Variants in PCDHGB7 observed in about 807,000 individuals in gnomAD.
The protein encoded by PCDHGB7 is protocadherin gamma subfamily B, 7, also known as protocadherin gamma-B7.
A neutral mutation model predicts 61.4 loss-of-function variants in PCDHGB7; 37 were observed. The ratio of observed to expected loss-of-function variants is 0.60; its 90% CI spans 0.46 to 0.79. PCDHGB7 has a LOEUF of 0.79. Ranked by LOEUF, PCDHGB7 falls within the 30% of genes least tolerant of loss-of-function variation. The pLI is 0.00. For missense variants in PCDHGB7, 1,166 were observed against 1,202.5 expected (o/e 0.97, Z 0.45); for synonymous variants, 464 against 503.5 (o/e 0.92, Z 1.05).
Position 141,485,187 on chromosome 5 carries a change from T to A in PCDHGB7, c.2416-9620T>A, listed in dbSNP as rs1325714839. ...CGGGCGGCAGCAATGCTCCGCAAGG[T>A]GAGAAGCTGGACAGAAATCTGGCGG... On this transcript the variant is annotated intron_variant, in intron 1 of 3. Transcript: ENST00000398594. This position sits in a 1 kb window ranked among gnomAD's most constrained non-coding sequence, Gnocchi z 5.7. 1 of 1,613,502 alleles carries A rather than the reference T, an allele frequency of 6.2e-7. No individual in the cohort carries two copies. The highest frequency in any genetic ancestry group is 1.7e-5 in the Admixed American group (1 of 60,018).
At chr5:141,479,849 C>T (rs1014214860) in intron 1 of PCDHGB7, among the ~76,000 whole-genome samples, 7 of 152,208 alleles carry the variant, frequency 4.6e-5, no homozygotes. Context: ...AAGGTGACTG[C>T]AAGGCCTTTG....
chr5:141,501,544 G>T (rs1297191346), intron 2 of PCDHGB7, among the ~76,000 whole-genome samples: 3 of 151,962 alleles, frequency 2.0e-5, no homozygotes, highest in African/African-American at 7.3e-5. Flanking sequence ...TTGTGCATAA[G>T]ATCATAGGCC....
In PCDHGB7 at chr5:141,486,645, C is replaced by G. The variant is rs369948556; in HGVS notation, c.2416-8162C>G. ...GACTCTGGCTTGAATGCGCTTATCT[C>G]CTACTCACTCCTGGAGCCCAGGAAT... On this transcript the variant is annotated intron_variant, in intron 1 of 3. Coordinates refer to ENST00000398594, the MANE Select transcript of PCDHGB7 (RefSeq NM_018927.4). The surrounding 1 kb of genome is among the most constrained non-coding windows in gnomAD (Gnocchi z 5.0). 4.3e-6 allele frequency: 7 copies of G among 1,613,752 alleles called. No individual in the cohort carries two copies. The Admixed American group carries it at 6.7e-5, about 15-fold the overall frequency.
In PCDHGB7 at chr5:141,423,110, G is replaced by A. The variant is rs62621243; in HGVS notation, c.2415+2836G>A. On this transcript the variant is annotated intron_variant, in intron 1 of 3. Coordinates refer to ENST00000398594, the MANE Select transcript of PCDHGB7 (RefSeq NM_018927.4). ...GTGGGGGAGCACACGGGCGAGGTGC[G>A]TACAGCGCGGGCACTGCTGGACAGA... The A allele has an allele frequency of 0.016, 25,324 of 1,613,842 alleles. 257 individuals carry two copies. Among genetic ancestry groups the A allele is most frequent in the Non-Finnish European group, 0.019 (22,060 of 1,179,980 alleles).
Position 141,419,261 on chromosome 5 carries a change from G to C in PCDHGB7, c.1402G>C (p.Gly468Arg), listed in dbSNP as rs758952830. 16 of 1,613,982 alleles carry C rather than the reference G, an allele frequency of 9.9e-6. No individual in the cohort carries two copies. Among genetic ancestry groups the C allele is most frequent in the Non-Finnish European group, 1.3e-5 (15 of 1,179,886 alleles). ...CCACGTGCCAGAAAACAACCAGCCG[G>C]GTGCCTCCATAGCGCAAGTCAGTGC... ...LVHVPENNQP[G>R]ASIAQVSASD... Residue 468 changes from glycine (G) to arginine (R), a missense_variant, in exon 1 of 4, where the codon GGT becomes CGT. By Grantham distance (125) the Gly-to-Arg change is moderately radical (BLOSUM62 -2). Coordinates refer to ENST00000398594, the MANE Select transcript of PCDHGB7 (RefSeq NM_018927.4).
chr5:141,418,237 T>G lies in PCDHGB7; in HGVS notation c.378T>G (p.Val126=), dbSNP rs1470328670. The change falls in exon 1 of 4, where the codon GTT becomes GTG. Residue 126 remains valine (V), a synonymous_variant. Transcript: ENST00000398594. ...ATGTCATTGTGGTGATTGAGGATGT[T>G]AATGACCACGCCCCTCAATTCCGGA... The part of the protein sequence containing the change: ...IFHVIVVIED[V]NDHAPQFRKD... 6.2e-7 allele frequency: 1 copy of G among 1,614,044 alleles called. No individual in the cohort carries two copies.
Position 141,485,447 on chromosome 5 carries a change from C to G in PCDHGB7, c.2416-9360C>G, listed in dbSNP as rs1233800346. 6.2e-7 allele frequency: 1 copy of G among 1,614,144 alleles called. No individual in the cohort carries two copies. The highest frequency in any genetic ancestry group is 8.5e-7 in the Non-Finnish European group (1 of 1,180,036). On this transcript the variant is annotated intron_variant, in intron 1 of 3. Transcript: ENST00000398594. This position sits in a 1 kb window ranked among gnomAD's most constrained non-coding sequence, Gnocchi z 5.7. ...CCTGCTCATCAAGAACCCAATCGAC[C>G]GAGAGGCACTGTGTGGGCTCAGTGC... is the stretch of plus-strand genomic sequence containing the variant.
rs114669158 is a variant in PCDHGB7 at position 141,511,003 on chromosome 5, G to A, written c.2620G>A (p.Ala874Thr). The change falls in exon 4 of 4, where the codon GCC (alanine) becomes ACC (threonine). Residue 874 changes from alanine to threonine, a missense_variant. Physicochemically the swap from Ala to Thr is moderately conservative, Grantham distance 58 (BLOSUM62 0). Coordinates refer to ENST00000398594, the MANE Select transcript of PCDHGB7 (RefSeq NM_018927.4). Reference protein sequence around the residue: ...GGGAGTMGLSARYGPQFTLQH... With the variant: ...GGGAGTMGLSTRYGPQFTLQH... ...GGGTGCCGGCACCATGGGATTGAGCGCCCGCTACGGACCCCAGTTCACCCT... is the reference window on the plus strand; with the variant it reads ...GGGTGCCGGCACCATGGGATTGAGCACCCGCTACGGACCCCAGTTCACCCT... The A allele has an allele frequency of 1.0e-4, 163 of 1,614,148 alleles. 1 individual carries two copies. The highest frequency in any genetic ancestry group is 9.5e-5 in the Non-Finnish European group (112 of 1,180,012).
chr5:141,489,427 C>G lies in PCDHGB7; in HGVS notation c.2416-5380C>G, dbSNP rs370540900. ...AAAGATGACAGATCTGTTGAGCCGG[C>G]GGCTGCAATTGGGCTCTGAGGAGAA... On this transcript the variant is annotated intron_variant, in intron 1 of 3. Transcript: ENST00000398594. The surrounding 1 kb of genome is among the most constrained non-coding windows in gnomAD (Gnocchi z 4.5). 6.2e-7 allele frequency: 1 copy of G among 1,614,108 alleles called. No homozygotes were observed. Among genetic ancestry groups the G allele is most frequent in the South Asian group, 1.1e-5 (1 of 91,086 alleles).
At chr5:141,457,750 C>G (rs900052683) in intron 1 of PCDHGB7, among the ~76,000 whole-genome samples, 4 of 152,188 alleles carry the variant, frequency 2.6e-5, no homozygotes, top group African/African-American at 9.6e-5. Flanking sequence ...AAGCTGAGCC[C>G]AGACATGGGT....
At chr5:141,436,181 T>C (rs1050736907) in intron 1 of PCDHGB7, among the ~76,000 whole-genome samples, 2 of 152,092 alleles carry the variant, frequency 1.3e-5, no homozygotes, top group African/African-American at 4.8e-5. Flanking sequence ...TCATATATAG[T>C]CAAATAGAAA....
chr5:141,476,978 C>A lies in PCDHGB7; in HGVS notation c.2416-17829C>A, dbSNP rs1468851988. The A allele has an allele frequency of 2.5e-6, 4 of 1,614,138 alleles. No individual in the cohort carries two copies. Among genetic ancestry groups the A allele is most frequent in the Admixed American group, 3.3e-5 (2 of 60,012 alleles). On this transcript the variant is annotated intron_variant, in intron 1 of 3. Transcript: ENST00000398594. This position sits in a 1 kb window ranked among gnomAD's most constrained non-coding sequence, Gnocchi z 7.6. ...TATTTACTCCTTCGGCAGCCACAAC[C>A]GCGCCGGCGTGCGGCAACTATTCGC...
rs962136728 is a variant in PCDHGB7 at position 141,491,524 on chromosome 5, G to A, written c.2416-3283G>A. 1 of 1,613,960 alleles carries A rather than the reference G, an allele frequency of 6.2e-7. No homozygotes were observed. The highest frequency in any genetic ancestry group is 1.3e-5 in the African/African-American group (1 of 74,936). On this transcript the variant is annotated intron_variant, in intron 1 of 3. Coordinates refer to ENST00000398594, the MANE Select transcript of PCDHGB7 (RefSeq NM_018927.4). The surrounding 1 kb of genome is among the most constrained non-coding windows in gnomAD (Gnocchi z 6.9). ...GGACGGCACGCTCAAGTACATGGAG[G>A]TGACGCTGCGGCCCACAGACTCGCA...
chr5:141,485,259 G>C lies in PCDHGB7; in HGVS notation c.2416-9548G>C. ...TTTTACCACCTGGGTTACGTTTGTGGGCAGATCCGCTACCCGGTCCCAGAG... is the reference window on the plus strand; with the variant it reads ...TTTTACCACCTGGGTTACGTTTGTGCGCAGATCCGCTACCCGGTCCCAGAG... On this transcript the variant is annotated intron_variant, in intron 1 of 3. Coordinates refer to ENST00000398594, the MANE Select transcript of PCDHGB7 (RefSeq NM_018927.4). The surrounding 1 kb of genome is among the most constrained non-coding windows in gnomAD (Gnocchi z 5.7). 1.2e-6 allele frequency: 2 copies of C among 1,614,136 alleles called. No homozygotes were observed. The highest frequency in any genetic ancestry group is 1.7e-6 in the Non-Finnish European group (2 of 1,180,002).
intron 1 of PCDHGB7, among the ~76,000 whole-genome samples, chr5:141,457,459 CA>C (rs1402759850): frequency 6.6e-6 from 1 of 152,166 alleles, no homozygotes; most frequent in Non-Finnish European, 1.5e-5. Context: ...CCACTTGATT[CA>C]CAGGAATAAG....
At chr5:141,506,130 GAGA>G (rs560751517) in intron 3 of PCDHGB7, among the ~76,000 whole-genome samples, 2 of 152,170 alleles carry the variant, frequency 1.3e-5, no homozygotes, top group Admixed American at 1.3e-4. Context: ...CCCAGAGCAG[GAGA>G]AGAAGAATAT....
chr5:141,430,953 G>A (rs2097330054), intron 1 of PCDHGB7: 1 of 1,611,124 alleles, frequency 6.2e-7, no homozygotes, highest in African/African-American at 1.3e-5. Context: ...CGCGGAGTCC[G>A]CATCATCCCC....
chr5:141,474,405 G>C (rs2099348833), intron 1 of PCDHGB7, among the ~76,000 whole-genome samples: 1 of 152,196 alleles, frequency 6.6e-6, no homozygotes, highest in Admixed American at 6.5e-5. Context: ...AAGCTCCCCG[G>C]TGATGCCTAG....
Position 141,476,140 on chromosome 5 carries a change from C to G in PCDHGB7, c.2416-18667C>G. On this transcript the variant is annotated intron_variant, in intron 1 of 3. Coordinates refer to ENST00000398594, the MANE Select transcript of PCDHGB7 (RefSeq NM_018927.4). This position sits in a 1 kb window ranked among gnomAD's most constrained non-coding sequence, Gnocchi z 7.6. ...AGATGGTCCCAGAGGCCTGGAGGAGCGGACTGGTAAGCACCGGGAGGGTAG... is the reference window on the plus strand; with the variant it reads ...AGATGGTCCCAGAGGCCTGGAGGAGGGGACTGGTAAGCACCGGGAGGGTAG... The G allele has an allele frequency of 2.5e-6, 4 of 1,609,222 alleles. No individual in the cohort carries two copies. Among genetic ancestry groups the G allele is most frequent in the Non-Finnish European group, 1.7e-6 (2 of 1,178,484 alleles).
Sources: gnomAD v4.1 joint callset for allele counts (sites outside exome capture counted in the v4.1 genomes callset) on GRCh38, gnomAD v4.1.1 for gene constraint, Gnocchi (gnomAD v3.1) non-coding constraint, MANE v1.5 for transcripts, NCBI Gene and HGNC (gene_info 2026-07-23, HGNC 2026-07-21) for gene names.